Variants in FHOD3 observed in about 807,000 individuals in gnomAD.
The protein encoded by FHOD3 is FH1/FH2 domain-containing protein 3.
FHOD3 carries 90 observed loss-of-function variants against 173.0 expected under a neutral mutation model. The observed-to-expected ratio is 0.52, with a 90% confidence interval of 0.44 to 0.62. FHOD3 has a LOEUF of 0.62. Among genes scored for constraint, FHOD3 ranks in the 20% least tolerant of loss-of-function variants. The pLI, the probability that FHOD3 is intolerant of heterozygous loss-of-function variation, is 0.00. For missense variants in FHOD3, 1,945 were observed against 2,034.7 expected (o/e 0.96, Z 0.85); for synonymous variants, 828 against 823.0 (o/e 1.01, Z -0.10).
At chr18:36,734,432 G>T (rs760950738) in intron 20 of FHOD3, among the ~76,000 whole-genome samples, 20 of 152,126 alleles carry the variant, frequency 1.3e-4, no homozygotes, top group Non-Finnish European at 2.2e-4. Context: ...CCCCCTAGGA[G>T]CAAAATCACC....
chr18:36,400,024 G>T (rs998602934), intron 3 of FHOD3, among the ~76,000 whole-genome samples: 1 of 152,250 alleles, frequency 6.6e-6, no homozygotes, highest in Non-Finnish European at 1.5e-5. Context: ...CAGGAAGAGG[G>T]TGTGAGGTGT....
chr18:36,635,192 A>T (rs1156854544), intron 10 of FHOD3, among the ~76,000 whole-genome samples: 1 of 152,224 alleles, frequency 6.6e-6, no homozygotes, highest in South Asian at 2.1e-4. Flanking sequence ...GCACTGGGAC[A>T]TGAGGAAGAA....
chr18:36,687,246 A>T (rs756095762), intron 16 of FHOD3, 68 bp downstream of exon 16: 132 of 1,158,880 alleles, frequency 1.1e-4, no homozygotes, highest in Non-Finnish European at 1.6e-4. Context: ...CCTAGCATGC[A>T]GAGAGACTGT....
chr18:36,615,951 C>T (rs912034092), intron 9 of FHOD3, among the ~76,000 whole-genome samples: 2 of 152,232 alleles, frequency 1.3e-5, no homozygotes, highest in African/African-American at 2.4e-5. Flanking sequence ...AAGCTGCCAA[C>T]AGCCACCAGC....
At chr18:36,330,041 C>T (rs976909604) in intron 1 of FHOD3, among the ~76,000 whole-genome samples, 1 of 152,160 alleles carries the variant, frequency 6.6e-6, no homozygotes, top group East Asian at 1.9e-4. Flanking sequence ...AACTGACTGA[C>T]AGCTGTCCCT....
intron 1 of FHOD3, among the ~76,000 whole-genome samples, chr18:36,347,405 T>C (rs1031810667): frequency 7.9e-5 from 12 of 152,246 alleles, no homozygotes; most frequent in Non-Finnish European, 1.6e-4. Flanking sequence ...CAGAATTTGA[T>C]AGAGGCTCTT....
At chr18:36,578,349 T>C (rs1222381599) in intron 6 of FHOD3, among the ~76,000 whole-genome samples, 1 of 152,052 alleles carries the variant, frequency 6.6e-6, no homozygotes, top group East Asian at 1.9e-4. Flanking sequence ...CCATCAGATC[T>C]CAGAAGACTT....
At chr18:36,707,025 T>C (rs1239349456) in intron 17 of FHOD3, among the ~76,000 whole-genome samples, 1 of 152,222 alleles carries the variant, frequency 6.6e-6, no homozygotes, top group Non-Finnish European at 1.5e-5. Flanking sequence ...TAAAAATTCC[T>C]TCAGTACCAA....
intron 27 of FHOD3, among the ~76,000 whole-genome samples, chr18:36,767,189 C>T (rs978323586): frequency 2.0e-5 from 3 of 151,968 alleles, no homozygotes; most frequent in African/African-American, 7.3e-5. Context: ...AAAAAACTGG[C>T]CTAATAGCAA....
At chr18:36,555,847 T>C (rs1408178093) in intron 5 of FHOD3, among the ~76,000 whole-genome samples, 1 of 152,204 alleles carries the variant, frequency 6.6e-6, no homozygotes, top group Non-Finnish European at 1.5e-5. Flanking sequence ...CTGGTATTAA[T>C]ACAGTCATTC....
chr18:36,696,093 C>T (rs1286059382), intron 17 of FHOD3, among the ~76,000 whole-genome samples: 4 of 152,098 alleles, frequency 2.6e-5, no homozygotes, highest in South Asian at 4.1e-4. Context: ...TTTTCCCAAA[C>T]GTATCTGGGT....
intron 3 of FHOD3, among the ~76,000 whole-genome samples, chr18:36,377,972 C>G (rs1177116145): frequency 6.6e-6 from 1 of 152,224 alleles, no homozygotes; most frequent in African/African-American, 2.4e-5. Flanking sequence ...AGGTGGTACA[C>G]CCTCTTTGCC....
intron 14 of FHOD3, among the ~76,000 whole-genome samples, chr18:36,672,850 A>G (rs1469839421): frequency 6.6e-6 from 1 of 152,204 alleles, no homozygotes; most frequent in Non-Finnish European, 1.5e-5. Flanking sequence ...TATCTGGCAG[A>G]CTTAAATTAT....
At chr18:36,426,317 G>A (rs918016078) in intron 3 of FHOD3, among the ~76,000 whole-genome samples, 15 of 152,156 alleles carry the variant, frequency 9.9e-5, no homozygotes, top group African/African-American at 3.6e-4. Flanking sequence ...AACTTAATGG[G>A]GGTGATACAG....
chr18:36,401,069 A>G (rs990022764), intron 3 of FHOD3, among the ~76,000 whole-genome samples: 4 of 151,848 alleles, frequency 2.6e-5, no homozygotes, highest in Admixed American at 1.3e-4. Flanking sequence ...GGAGAAGGAG[A>G]GTTTGGCCAG....
At chr18:36,415,522 A>G (rs1256472755) in intron 3 of FHOD3, among the ~76,000 whole-genome samples, 1 of 152,316 alleles carries the variant, frequency 6.6e-6, no homozygotes, top group East Asian at 1.9e-4. Context: ...AATTTAAATT[A>G]CATGATTTGG....
chr18:36,687,780 T>G (rs972172122), intron 16 of FHOD3, among the ~76,000 whole-genome samples: 2 of 152,232 alleles, frequency 1.3e-5, no homozygotes, highest in African/African-American at 4.8e-5. Flanking sequence ...ATTTAAAATA[T>G]TCAAGCTGTA....
At chr18:36,612,395 C>G (rs1197593424) in intron 9 of FHOD3, among the ~76,000 whole-genome samples, 1 of 152,172 alleles carries the variant, frequency 6.6e-6, no homozygotes, top group East Asian at 1.9e-4. Flanking sequence ...GGCACCTTCA[C>G]TCAAGGAGAC....
intron 1 of FHOD3, among the ~76,000 whole-genome samples, chr18:36,335,298 A>G (rs976256269): frequency 8.6e-5 from 13 of 151,946 alleles, no homozygotes; most frequent in African/African-American, 3.1e-4. Flanking sequence ...GATCGAGACC[A>G]TCCTGGCTAA....
Sources: allele counts gnomAD v4.1 joint callset (sites outside exome capture counted in the v4.1 genomes callset), GRCh38; gene constraint gnomAD v4.1.1; transcripts MANE v1.5; gene names NCBI Gene and HGNC (gene_info 2026-07-23, HGNC 2026-07-21).